The following ACER2 variants were observed in gnomAD, a reference collection of about 807,000 sequenced individuals.
ACER2 encodes alkCDase 2.
A neutral mutation model predicts 34.7 loss-of-function variants in ACER2; 26 were observed. The observed-to-expected ratio is 0.75, with a 90% CI of 0.55 to 1.04. The LOEUF (loss-of-function observed/expected upper bound fraction) is 1.04. Ranked by LOEUF, ACER2 falls within the 50% of genes least tolerant of loss-of-function variation. The pLI, the probability that ACER2 is intolerant of heterozygous loss-of-function variation, is 0.00. For synonymous variants in ACER2, 138 were observed against 132.1 expected, an observed-to-expected ratio of 1.04 and a Z score of -0.31; for missense variants, 352 against 340.8, an observed-to-expected ratio of 1.03 and a Z score of -0.26.
chr9:19,424,052 C>T, intron 2 of ACER2, 76 bp downstream of exon 2: 1 of 1,223,532 alleles, frequency 8.2e-7, no homozygotes, highest in Non-Finnish European at 1.2e-6. Flanking sequence ...CACACTTCCT[C>T]TCCCCTTTGA....
chr9:19,411,561 ACTT>A (rs1178201217), intron 1 of ACER2, among the ~76,000 whole-genome samples: 1 of 149,998 alleles, frequency 6.7e-6, no homozygotes, highest in East Asian at 1.9e-4. Context: ...CTTACGTACT[ACTT>A]ATATTTTGAT....
chr9:19,412,423 C>T (rs1830111975), intron 1 of ACER2, among the ~76,000 whole-genome samples: 1 of 152,024 alleles, frequency 6.6e-6, no homozygotes, highest in Admixed American at 6.6e-5. Flanking sequence ...GAGGCTGAGG[C>T]AGGCAGATCA....
intron 1 of ACER2, among the ~76,000 whole-genome samples, chr9:19,414,025 T>C (rs1830165371): frequency 6.6e-6 from 1 of 152,190 alleles, no homozygotes; most frequent in South Asian, 2.1e-4. Context: ...TGAGGGTGTT[T>C]TTAGTACTGT....
chr9:19,436,737 C>A (rs535971035), intron 4 of ACER2, among the ~76,000 whole-genome samples: 15 of 152,318 alleles, frequency 9.8e-5, no homozygotes, highest in African/African-American at 3.4e-4. Context: ...TTAGTCAACA[C>A]ATTTCCTGTT....
intron 1 of ACER2, among the ~76,000 whole-genome samples, chr9:19,412,158 C>G (rs1235793137): frequency 6.6e-6 from 1 of 152,114 alleles, no homozygotes; most frequent in Non-Finnish European, 1.5e-5. Context: ...ATCATTTTAT[C>G]TCTAGGATAA....
intron 4 of ACER2, among the ~76,000 whole-genome samples, chr9:19,443,686 C>G (rs1047887120): frequency 2.6e-5 from 4 of 152,100 alleles, no homozygotes; most frequent in African/African-American, 9.7e-5. Context: ...GAGATGGAGT[C>G]TTGCTCTTGA....
chr9:19,428,434 C>T (rs1346201170), intron 3 of ACER2, among the ~76,000 whole-genome samples: 1 of 152,100 alleles, frequency 6.6e-6, no homozygotes, highest in Admixed American at 6.5e-5. Flanking sequence ...TCCCAAAGTA[C>T]TGGGATTACA....
chr9:19,439,327 C>G (rs575352915), intron 4 of ACER2, among the ~76,000 whole-genome samples: 1 of 145,964 alleles, frequency 6.9e-6, no homozygotes, highest in Non-Finnish European at 1.5e-5. Flanking sequence ...TTGCTGCTCC[C>G]TCTCTAAAGG....
rs906439998 is a variant in ACER2, at chr9:19,411,397, AT to A, written c.108+2214del. Among the ~76,000 whole-genome samples, 13 of 151,990 alleles carry A rather than the reference AT, an allele frequency of 8.6e-5. No homozygotes were observed. In the South Asian group the frequency reaches 1.2e-3, roughly 15 times the overall value. On this transcript the variant is annotated intron_variant, in intron 1 of 5. Coordinates refer to ENST00000340967, the MANE Select transcript of ACER2 (RefSeq NM_001010887.3). ...TTCCCCTCTGTTGCTATTTAAAAAA[AT>A]TTTTTTTTGAGATGATCATGCTCTG... is the stretch of plus-strand genomic sequence containing the variant.
In ACER2 at chr9:19,415,192, T is replaced by A. The variant is rs75917220; in HGVS notation, c.108+6000T>A. Among the ~76,000 whole-genome samples, 648 of 152,240 alleles carry A rather than the reference T, an allele frequency of 4.3e-3. 4 individuals are homozygous for A. Among genetic ancestry groups the A allele is most frequent in the African/African-American group, 0.015 (624 of 41,516 alleles). Reference sequence around the variant, plus strand: ...CTAAATGGTGCTTCTAATATGCACATTTAAAGAAACTGTTTGGGCCAGGTG... The same window carrying A: ...CTAAATGGTGCTTCTAATATGCACAATTAAAGAAACTGTTTGGGCCAGGTG... On this transcript the variant is annotated intron_variant, in intron 1 of 5. Transcript: ENST00000340967.
intron 1 of ACER2, among the ~76,000 whole-genome samples, chr9:19,422,839 C>G (rs766315380): frequency 6.6e-6 from 1 of 151,988 alleles, no homozygotes; most frequent in African/African-American, 2.4e-5. Context: ...TGAGACCAGC[C>G]TGGCCAACAT....
At chr9:19,430,061 A>G (rs1830701994) in intron 3 of ACER2, among the ~76,000 whole-genome samples, 1 of 152,136 alleles carries the variant, frequency 6.6e-6, no homozygotes, top group Non-Finnish European at 1.5e-5. Flanking sequence ...TCAGAAATGA[A>G]ATGAAATTAT....
intron 4 of ACER2, among the ~76,000 whole-genome samples, chr9:19,437,162 C>A (rs1831004266): frequency 6.6e-6 from 1 of 152,204 alleles, no homozygotes; most frequent in Admixed American, 6.5e-5. Flanking sequence ...TTCCTGAAGT[C>A]CAGTTTCATA....
At chr9:19,444,506 C>T (rs144469225) in intron 4 of ACER2, among the ~76,000 whole-genome samples, 3 of 152,294 alleles carry the variant, frequency 2.0e-5, no homozygotes, top group East Asian at 1.9e-4. Context: ...CCACCGCGCC[C>T]GGCATAAAAT....
chr9:19,426,394 T>TTTC (rs1830573807), intron 3 of ACER2, among the ~76,000 whole-genome samples: 7 of 137,378 alleles, frequency 5.1e-5, no homozygotes, highest in African/African-American at 5.5e-5. Context: ...CTCTCTCTCC[T>TTTC]CCTTTCCCTT....
At chr9:19,446,115 G>A (rs887495651) in intron 4 of ACER2, 166 bp from the exon 5 acceptor site, 1 of 991,318 alleles carries the variant, frequency 1.0e-6, no homozygotes, top group African/African-American at 1.6e-5. Context: ...TGTACATATG[G>A]TATTTACATC....
At chr9:19,437,933 G>A (rs536856044) in intron 4 of ACER2, among the ~76,000 whole-genome samples, 6 of 152,276 alleles carry the variant, frequency 3.9e-5, no homozygotes, top group East Asian at 1.9e-4. Context: ...CCTCTCTGAT[G>A]TTGTGTTCTC....
chr9:19,409,292 T>C (rs1284538501), intron 1 of ACER2, 100 bp downstream of exon 1: 4 of 1,185,400 alleles, frequency 3.4e-6, no homozygotes, highest in Non-Finnish European at 3.6e-6. Context: ...TGCGCGCATC[T>C]GGGGGCATTC....
chr9:19,430,781 A>G (rs1830727912), intron 3 of ACER2, among the ~76,000 whole-genome samples: 1 of 152,080 alleles, frequency 6.6e-6, no homozygotes, highest in Non-Finnish European at 1.5e-5. Context: ...AGCATGGTGA[A>G]ACCCCATCTC....
Sources: allele counts gnomAD v4.1 joint callset (sites outside exome capture counted in the v4.1 genomes callset), GRCh38; gene constraint gnomAD v4.1.1; transcripts MANE v1.5; gene names NCBI Gene and HGNC (gene_info 2026-07-23, HGNC 2026-07-21).